TMCC1: variants seen among roughly 807,000 people sequenced by gnomAD.
TMCC1 encodes the protein transmembrane and coiled-coil domain family 1.
Under a neutral mutation model 52.4 loss-of-function variants are expected in TMCC1, and 15 were observed. The observed-to-expected ratio is 0.29, with a 90% CI of 0.19 to 0.44. TMCC1 has a LOEUF of 0.44. TMCC1 is among the 20% of genes least tolerant of loss of function. The pLI is 1.00. For missense variants in TMCC1, 503 were observed against 806.0 expected (o/e 0.62, Z 4.55); for synonymous variants, 279 against 301.9 (o/e 0.92, Z 0.79).
intron 4 of TMCC1, among the ~76,000 whole-genome samples, chr3:129,703,450 A>G (rs1338679926): frequency 6.6e-6 from 1 of 152,218 alleles, no homozygotes; most frequent in Non-Finnish European, 1.5e-5. Flanking sequence ...ATAAGTAAGT[A>G]CAGTAAGATG....
chr3:129,791,088 ATTTT>A (rs34048545), intron 4 of TMCC1, among the ~76,000 whole-genome samples: 2 of 82,960 alleles, frequency 2.4e-5, no homozygotes, highest in Non-Finnish European at 2.6e-5. Flanking sequence ...ACACTCCATA[ATTTT>A]TTTTTTTTTT....
intron 2 of TMCC1, among the ~76,000 whole-genome samples, chr3:129,857,076 A>C (rs1373358988): frequency 6.6e-6 from 1 of 151,858 alleles, no homozygotes; most frequent in African/African-American, 2.4e-5. Context: ...ACACCACCAA[A>C]CCCGGTTAAT....
At chr3:129,759,710 C>CTTTT (rs61519484) in intron 4 of TMCC1, among the ~76,000 whole-genome samples, 1 of 37,194 alleles carries the variant, frequency 2.7e-5, no homozygotes, top group African/African-American at 1.1e-4. Context: ...GCCAGCCAAA[C>CTTTT]TTTTTTTTTT....
intron 2 of TMCC1, among the ~76,000 whole-genome samples, chr3:129,843,146 A>AC (rs1379035060): frequency 6.6e-6 from 1 of 152,162 alleles, no homozygotes; most frequent in Non-Finnish European, 1.5e-5. Flanking sequence ...GGAGATCGAG[A>AC]CCATCCCAGC....
chr3:129,718,947 C>T (rs180966471), intron 4 of TMCC1, among the ~76,000 whole-genome samples: 1 of 152,190 alleles, frequency 6.6e-6, no homozygotes, highest in Non-Finnish European at 1.5e-5. Flanking sequence ...TGTGAGGGTC[C>T]AGCACCCCTA....
intron 2 of TMCC1, among the ~76,000 whole-genome samples, chr3:129,853,448 C>T (rs940440068): frequency 6.6e-6 from 1 of 151,906 alleles, no homozygotes; most frequent in African/African-American, 2.4e-5. Context: ...AACAGTGAGG[C>T]CCTGCCTCCA....
chr3:129,679,089 T>C (rs1246727546), intron 4 of TMCC1, among the ~76,000 whole-genome samples: 1 of 152,172 alleles, frequency 6.6e-6, no homozygotes. Context: ...CTCTTACTAG[T>C]CATCCCTTTA....
At chr3:129,657,328 T>C (rs1360645226) in intron 5 of TMCC1, among the ~76,000 whole-genome samples, 1 of 152,138 alleles carries the variant, frequency 6.6e-6, no homozygotes, top group Non-Finnish European at 1.5e-5. Flanking sequence ...GATTAAAAAA[T>C]AGCAGCCACA....
At chr3:129,887,628 G>A (rs1035086958) in intron 1 of TMCC1, among the ~76,000 whole-genome samples, 1 of 150,530 alleles carries the variant, frequency 6.6e-6, no homozygotes, top group African/African-American at 2.4e-5. Context: ...ACAAAATACT[G>A]TGAGCATTAA....
At chr3:129,696,806 T>G (rs1230982552) in intron 4 of TMCC1, among the ~76,000 whole-genome samples, 1 of 152,186 alleles carries the variant, frequency 6.6e-6, no homozygotes, top group East Asian at 1.9e-4. Flanking sequence ...AGTCCAAAAA[T>G]CCAGCAGGGC....
chr3:129,781,228 C>T lies in TMCC1; in HGVS notation c.576+46575G>A, dbSNP rs140450438. ...CCCATCAAACACCTCCATTCATTTT[C>T]TTTGCCGACAAATACTCTGTTGGTC... On this transcript the variant is annotated intron_variant, in intron 4 of 6. Coordinates refer to ENST00000393238, the MANE Select transcript of TMCC1 (RefSeq NM_001017395.5). Among the ~76,000 whole-genome samples, 1,075 of 152,262 alleles carry T rather than the reference C, an allele frequency of 7.1e-3. 12 individuals are homozygous for T. Among genetic ancestry groups the T allele is most frequent in the Middle Eastern group, 0.017 (5 of 294 alleles).
chr3:129,680,396 C>T lies in TMCC1; in HGVS notation c.577-9132G>A, dbSNP rs183683519. On this transcript the variant is annotated intron_variant, in intron 4 of 6. Coordinates refer to ENST00000393238, the MANE Select transcript of TMCC1 (RefSeq NM_001017395.5). ...TCAAAACAAACCTAGGAGATATATACTATTTTAATCTCCATTTTATAGCCG... is the reference window on the plus strand; with the variant it reads ...TCAAAACAAACCTAGGAGATATATATTATTTTAATCTCCATTTTATAGCCG... 1.6e-3 allele frequency among the ~76,000 whole-genome samples: 251 copies of T among 152,282 alleles called. 1 individual carries two copies. The highest frequency in any genetic ancestry group is 3.5e-3 in the East Asian group (18 of 5,184).
At chr3:129,771,797 A>AAAAG (rs60824072) in intron 4 of TMCC1, among the ~76,000 whole-genome samples, 43,563 of 85,240 alleles carry the variant, frequency 0.51, 15,912 homozygotes, top group Non-Finnish European at 0.74. Context: ...AAAAAAAAAA[A>AAAAG]AAGAAGAAGA....
chr3:129,824,213 G>A (rs191384747), intron 4 of TMCC1, among the ~76,000 whole-genome samples: 3 of 152,292 alleles, frequency 2.0e-5, no homozygotes, highest in Non-Finnish European at 4.4e-5. Flanking sequence ...GTGTGTGCCT[G>A]TAATCCCAGC....
intron 1 of TMCC1, among the ~76,000 whole-genome samples, chr3:129,883,756 A>G (rs1307577158): frequency 6.6e-6 from 1 of 152,208 alleles, no homozygotes; most frequent in Non-Finnish European, 1.5e-5. Flanking sequence ...AGAGGGATCA[A>G]TCACTTGAGG....
At chr3:129,702,916 T>A (rs2047946630) in intron 4 of TMCC1, among the ~76,000 whole-genome samples, 1 of 152,290 alleles carries the variant, frequency 6.6e-6, no homozygotes, top group South Asian at 2.1e-4. Context: ...CTTGGAAGGC[T>A]GAGGCAGGAG....
intron 4 of TMCC1, among the ~76,000 whole-genome samples, chr3:129,704,573 G>A (rs756867711): frequency 9.9e-5 from 15 of 151,934 alleles, no homozygotes; most frequent in African/African-American, 2.9e-4. Flanking sequence ...CACATGCCAC[G>A]ACGCCCGGCT....
At chr3:129,717,812 C>G (rs1196665570) in intron 4 of TMCC1, among the ~76,000 whole-genome samples, 1 of 152,102 alleles carries the variant, frequency 6.6e-6, no homozygotes, top group Non-Finnish European at 1.5e-5. Flanking sequence ...AAATGATTTC[C>G]CAACTGGTCT....
intron 4 of TMCC1, among the ~76,000 whole-genome samples, chr3:129,686,986 T>C (rs1373505295): frequency 6.6e-6 from 1 of 152,228 alleles, no homozygotes; most frequent in Non-Finnish European, 1.5e-5. Flanking sequence ...ATCTATTCAC[T>C]GCTTCTTAGA....
Sources: allele counts gnomAD v4.1 joint callset (sites outside exome capture counted in the v4.1 genomes callset), GRCh38; gene constraint gnomAD v4.1.1; transcripts MANE v1.5; gene names NCBI Gene and HGNC (gene_info 2026-07-23, HGNC 2026-07-21).